RTL1: variants seen among roughly 807,000 people sequenced by gnomAD.
RTL1 encodes retrotransposon Gag like 1, also known as retrotransposon-like protein 1.
For synonymous variants in RTL1, 727 were observed against 748.4 expected (o/e 0.97, Z 0.47); for missense variants, 1,681 against 1,767.5 (o/e 0.95, Z 0.88).
In RTL1 at chr14:100,884,120, G is replaced by T; in HGVS notation, c.669C>A (p.Thr223=). The T allele has an allele frequency of 1.3e-6, 2 of 1,551,738 alleles. No homozygotes were observed. The highest frequency in any genetic ancestry group is 1.7e-6 in the Non-Finnish European group (2 of 1,147,002). ...AGAACATTCTTGGGTAGCTCTGTAA[G>T]GTCAGTTGGCAGAGTACGATGAACT... is the stretch of plus-strand genomic sequence containing the variant. ...FHEFIVLCQL[T]LQSYPRMFYN... The change falls in exon 4 of 4, where the codon ACC becomes ACA. Residue 223 remains threonine (T), a synonymous_variant. Coordinates refer to ENST00000649591, the MANE Select transcript of RTL1 (RefSeq NM_001134888.3).
At chr14:100,900,302 C>T (rs2038923983) in intron 2 of RTL1, among the ~76,000 whole-genome samples, 1 of 152,234 alleles carries the variant, frequency 6.6e-6, no homozygotes, top group South Asian at 2.1e-4. Context: ...GCTAAATGAG[C>T]TTTTTGTGTG....
chr14:100,895,578 AGCAGGGTCGGGGT>A (rs1312513116), intron 2 of RTL1, among the ~76,000 whole-genome samples: 3 of 151,914 alleles, frequency 2.0e-5, no homozygotes, highest in Non-Finnish European at 4.4e-5. Context: ...AGGTGTGGGG[AGCAGGGTCGGGGT>A]GGAGGGGAAG....
At position 100,881,995 on chromosome 14, in the gene RTL1, T is replaced by A. The variant is rs746340462; in HGVS notation, c.2794A>T (p.Met932Leu). ...MKILPIRAAF[M>L]VWCRYLENTE... ...TTCTCCAGGTAGCGGCACCACACCA[T>A]GAAGGCAGCCCGTATTGGAAGAATC... Residue 932 changes from methionine to leucine, a missense_variant, in exon 4 of 4, where the codon ATG becomes TTG. Met to Leu is a conservative substitution (Grantham distance 15, BLOSUM62 2). Coordinates refer to ENST00000649591, the MANE Select transcript of RTL1 (RefSeq NM_001134888.3). This position sits in a 1 kb window ranked among gnomAD's most constrained non-coding sequence, Gnocchi z 6.6. The A allele has an allele frequency of 6.2e-7, 1 of 1,613,626 alleles. No homozygotes were observed. Among genetic ancestry groups the A allele is most frequent in the Non-Finnish European group, 8.5e-7 (1 of 1,179,900 alleles).
At chr14:100,894,043 G>A (rs2038819299) in intron 2 of RTL1, among the ~76,000 whole-genome samples, 1 of 152,196 alleles carries the variant, frequency 6.6e-6, no homozygotes, top group Non-Finnish European at 1.5e-5. Flanking sequence ...GGGCGGGGTG[G>A]CTCACACCTG....
chr14:100,884,340 G>A lies in RTL1; in HGVS notation c.449C>T (p.Pro150Leu). The change falls in exon 4 of 4, where the codon CCT becomes CTT. Residue 150 changes from proline (P) to leucine (L), a missense_variant. Pro to Leu is a moderately conservative substitution (Grantham distance 98). Coordinates refer to ENST00000649591, the MANE Select transcript of RTL1 (RefSeq NM_001134888.3). ...GTGCTCGGTCTGGTTTTGCTCTTGA[G>A]GAGTCTCCTCCCTTCCCGATTCCTT... The part of the protein sequence containing the change: ...DLKESGREET[P>L]QEQNQTEHST... 1 of 1,481,532 alleles carries A rather than the reference G, an allele frequency of 6.7e-7. No individual in the cohort carries two copies. The highest frequency in any genetic ancestry group is 1.2e-5 in the South Asian group (1 of 82,846). The allele number at this position is 1,481,532 out of a possible 1,614,324, so 91.8% of individuals were successfully genotyped here.
At position 100,884,216 on chromosome 14, in the gene RTL1, C is replaced by T. The variant is rs1233985498; in HGVS notation, c.573G>A (p.Leu191=). 6.4e-7 allele frequency: 1 copy of T among 1,551,620 alleles called. No individual in the cohort carries two copies. The highest frequency in any genetic ancestry group is 8.7e-7 in the Non-Finnish European group (1 of 1,146,998). Residue 191 remains leucine, a synonymous_variant, in exon 4 of 4, where the codon TTG becomes TTA. Transcript: ENST00000649591. The stretch of plus-strand genomic sequence containing the variant: ...GTTGGCCTGCATTGATCCCTTTGAT[C>T]AAGATCTCTTCTGCTACTCTCTGTT... ...KEQQRVAEEI[L]IKGINAGQLP... is the part of the protein sequence containing the mutation.
Position 100,883,363 on chromosome 14 carries a change from T to C in RTL1, c.1426A>G (p.Thr476Ala), listed in dbSNP as rs1251441623. 5 of 1,551,314 alleles carry C rather than the reference T, an allele frequency of 3.2e-6. No homozygotes were observed. Among genetic ancestry groups the C allele is most frequent in the Non-Finnish European group, 4.4e-6 (5 of 1,146,810 alleles). The change falls in exon 4 of 4, where the codon ACG becomes GCG. Residue 476 changes from threonine (T) to alanine (A), a missense_variant. Coordinates refer to ENST00000649591, the MANE Select transcript of RTL1 (RefSeq NM_001134888.3). The surrounding 1 kb of genome is among the most constrained non-coding windows in gnomAD (Gnocchi z 5.9). ...TGGTGGATACACACCAGGGGCTCCG[T>C]GTAGAGCCAGACAGGCTCGTTGCCA... Reference protein sequence around the residue: ...LIGNEPVWLYTEPLVCIHQNH... With the variant: ...LIGNEPVWLYAEPLVCIHQNH...
chr14:100,899,509 C>T (rs928795431), intron 2 of RTL1, among the ~76,000 whole-genome samples: 4 of 152,100 alleles, frequency 2.6e-5, no homozygotes, highest in Non-Finnish European at 5.9e-5. Flanking sequence ...AAGGCAGCAT[C>T]CCCCTGGGGA....
rs1163660220 is a variant in RTL1, at chr14:100,893,955, C to T, written c.-148-450G>A. ...GGCCCTGCAGCCTTGCTCTTCAGTT[C>T]CTGGAAGCCTCCTGCCCTTGGTGGA... On this transcript the variant is annotated intron_variant, in intron 2 of 3. Transcript: ENST00000649591. This position sits in a 1 kb window ranked among gnomAD's most constrained non-coding sequence, Gnocchi z 4.2. Among the ~76,000 whole-genome samples the T allele has an allele frequency of 1.3e-5, 2 of 152,188 alleles. No individual in the cohort carries two copies. The highest frequency in any genetic ancestry group is 4.1e-4 in the South Asian group (2 of 4,828).
At position 100,882,971 on chromosome 14, in the gene RTL1, G is replaced by A. The variant is rs566382635; in HGVS notation, c.1818C>T (p.Thr606=). 40 of 1,614,080 alleles carry A rather than the reference G, an allele frequency of 2.5e-5. No individual in the cohort carries two copies. The South Asian group carries it at 3.5e-4, about 14-fold the overall frequency. ...QQAGDSDHSE[T]FYECPSTAPW... is the part of the protein sequence containing the mutation. The stretch of plus-strand genomic sequence containing the variant: ...GCGCGGTGGAGGGACACTCGTAAAA[G>A]GTCTCGCTGTGATCACTGTCTCCAG... The change falls in exon 4 of 4, where the codon ACC becomes ACT. Residue 606 remains threonine (T), a synonymous_variant. Coordinates refer to ENST00000649591, the MANE Select transcript of RTL1 (RefSeq NM_001134888.3).
At chr14:100,884,913 G>A in intron 3 of RTL1, 39 bp from the exon 4 acceptor site, 1 of 857,916 alleles carries the variant, frequency 1.2e-6, no homozygotes, top group Non-Finnish European at 1.8e-6. Context: ...AAAGGCAGTA[G>A]TTTAGGATCT....
At position 100,883,682 on chromosome 14, in the gene RTL1, C is replaced by G; in HGVS notation, c.1107G>C (p.Arg369Ser). The change falls in exon 4 of 4, where the codon AGG (arginine) becomes AGC (serine). Residue 369 changes from arginine to serine, a missense_variant. By Grantham distance (110) the Arg-to-Ser change is moderately radical (BLOSUM62 -1). Coordinates refer to ENST00000649591, the MANE Select transcript of RTL1 (RefSeq NM_001134888.3). The surrounding 1 kb of genome is among the most constrained non-coding windows in gnomAD (Gnocchi z 5.9). ...EKLAERRAML[R>S]LPPEARPRNL... The stretch of plus-strand genomic sequence containing the variant: ...TCCGGGGGCGGGCCTCGGGGGGCAG[C>G]CTGAGCATAGCTCTTCTCTCTGCCA... 1 of 1,551,608 alleles carries G rather than the reference C, an allele frequency of 6.4e-7. No individual in the cohort carries two copies. The highest frequency in any genetic ancestry group is 8.7e-7 in the Non-Finnish European group (1 of 1,146,988).
chr14:100,895,128 G>A (rs2038837507), intron 2 of RTL1: 1 of 152,250 alleles, frequency 6.6e-6, no homozygotes, highest in Admixed American at 6.5e-5. Flanking sequence ...TTAACACAGT[G>A]TGTTATCCAA....
At chr14:100,897,865 T>C (rs757734024) in intron 2 of RTL1, 5 of 440,114 alleles carry the variant, frequency 1.1e-5, no homozygotes, top group Non-Finnish European at 2.4e-5. Context: ...GTTTATGACA[T>C]TATTATAAAT....
At chr14:100,900,745 C>T (rs1482666410) in intron 2 of RTL1, among the ~76,000 whole-genome samples, 2 of 152,192 alleles carry the variant, frequency 1.3e-5, no homozygotes, top group African/African-American at 4.8e-5. Context: ...CTATCCTGAA[C>T]CAGAAATCCC....
At chr14:100,890,877 T>C (rs1317743329) in intron 3 of RTL1, among the ~76,000 whole-genome samples, 1 of 152,188 alleles carries the variant, frequency 6.6e-6, no homozygotes, top group East Asian at 1.9e-4. Context: ...AGGGTGGACA[T>C]GCAGGGACCC....
chr14:100,890,262 C>T (rs981866857), intron 3 of RTL1, among the ~76,000 whole-genome samples: 1 of 150,600 alleles, frequency 6.6e-6, no homozygotes. Flanking sequence ...GCCAGTGGCC[C>T]ATTGGGTCAG....
intron 3 of RTL1, among the ~76,000 whole-genome samples, chr14:100,892,884 G>A (rs2038801228): frequency 6.6e-6 from 1 of 152,138 alleles, no homozygotes; most frequent in African/African-American, 2.4e-5. Flanking sequence ...TGCTCCTAAC[G>A]AGTTGGGGGA....
At position 100,883,692 on chromosome 14, in the gene RTL1, G is replaced by C; in HGVS notation, c.1097C>G (p.Ala366Gly). ...QIEEKLAERR[A>G]MLRLPPEARP... is the part of the protein sequence containing the mutation. Reference sequence around the variant, plus strand: ...GGCCTCGGGGGGCAGCCTGAGCATAGCTCTTCTCTCTGCCAGCTTCTCTTC... The same window carrying C: ...GGCCTCGGGGGGCAGCCTGAGCATACCTCTTCTCTCTGCCAGCTTCTCTTC... The change falls in exon 4 of 4, where the codon GCT becomes GGT. Residue 366 changes from alanine to glycine, a missense_variant. Coordinates refer to ENST00000649591, the MANE Select transcript of RTL1 (RefSeq NM_001134888.3). The surrounding 1 kb of genome is among the most constrained non-coding windows in gnomAD (Gnocchi z 5.9). The C allele has an allele frequency of 6.4e-7, 1 of 1,551,586 alleles. No homozygotes were observed. Among genetic ancestry groups the C allele is most frequent in the Non-Finnish European group, 8.7e-7 (1 of 1,146,988 alleles).
Sources: gnomAD v4.1 joint callset for allele counts (sites outside exome capture counted in the v4.1 genomes callset) on GRCh38, gnomAD v4.1.1 for gene constraint, Gnocchi (gnomAD v3.1) non-coding constraint, MANE v1.5 for transcripts, NCBI Gene and HGNC (gene_info 2026-07-23, HGNC 2026-07-21) for gene names.